ZNF487: variants seen among roughly 807,000 people sequenced by gnomAD.
ZNF487 encodes the protein zinc finger protein 487.
Under a neutral mutation model 3.0 loss-of-function variants are expected in ZNF487, and 4 were observed. The ratio of observed to expected loss-of-function variants is 1.35; its 90% confidence interval spans 0.66 to 3.08. ZNF487 has a LOEUF of 3.08. Ranked by LOEUF, ZNF487 falls within the 30% of genes most tolerant of loss-of-function variation. The pLI is 0.01. For synonymous variants in ZNF487, 55 were observed against 34.6 expected, an observed-to-expected ratio of 1.59 and a Z score of -2.06; for missense variants, 146 against 98.7, an observed-to-expected ratio of 1.48 and a Z score of -2.03.
At chr10:43,494,031 TAA>T in the ZNF487 span, among the ~76,000 whole-genome samples, 7 of 111,866 alleles carry the variant, frequency 6.3e-5, no homozygotes, top group South Asian at 2.9e-4. Flanking sequence ...ACTCCATCTC[TAA>T]AAAAAAAAAA....
intron 1 of ZNF487, chr10:43,458,052 C>T (rs534818250): frequency 3.0e-5 from 1 of 33,546 alleles, no homozygotes; most frequent in East Asian, 0.01. Flanking sequence ...AAAAACAAAA[C>T]AAAACAAAAA....
At chr10:43,479,976 TTTCTTTCCTTC>T (rs1455623080) in intron 3 of ZNF487, among the ~76,000 whole-genome samples, 794 of 44,002 alleles carry the variant, frequency 0.018, 28 homozygotes, top group Middle Eastern at 0.038. Flanking sequence ...CTTTCTTTTC[TTTCTTTCCTTC>T]TTTCTTTCTT....
the ZNF487 span, among the ~76,000 whole-genome samples, chr10:43,493,094 G>A: frequency 6.6e-6 from 1 of 152,168 alleles, no homozygotes; most frequent in Non-Finnish European, 1.5e-5. Flanking sequence ...GCTGGGTGTG[G>A]TGTCGCATGC....
At chr10:43,450,078 T>C (rs2132056851) in intron 1 of ZNF487, among the ~76,000 whole-genome samples, 1 of 151,786 alleles carries the variant, frequency 6.6e-6, no homozygotes, top group African/African-American at 2.4e-5. Context: ...AGTTTTGCTC[T>C]TTTTGCCCGG....
At chr10:43,499,519 C>T in the ZNF487 span, among the ~76,000 whole-genome samples, 11 of 151,870 alleles carry the variant, frequency 7.2e-5, no homozygotes, top group Non-Finnish European at 1.0e-4. Flanking sequence ...TAGGCTCAAG[C>T]GATCTGCCCA....
chr10:43,508,934 C>T, the ZNF487 span, among the ~76,000 whole-genome samples: 4 of 152,064 alleles, frequency 2.6e-5, no homozygotes, highest in East Asian at 1.9e-4. Flanking sequence ...AGGCTGGGCA[C>T]GGTGGCTCCC....
chr10:43,461,113 T>A (rs1444168460), intron 1 of ZNF487, among the ~76,000 whole-genome samples: 1 of 151,978 alleles, frequency 6.6e-6, no homozygotes, highest in East Asian at 1.9e-4. Context: ...TTCAAGCGAT[T>A]CCCCTGCCTT....
intron 1 of ZNF487, among the ~76,000 whole-genome samples, chr10:43,445,882 T>C (rs1192331622): frequency 6.6e-6 from 1 of 152,136 alleles, no homozygotes; most frequent in African/African-American, 2.4e-5. Flanking sequence ...GTGATGACTC[T>C]TAATGAGCAT....
At chr10:43,453,211 C>T (rs1182465005) in intron 1 of ZNF487, 1 of 152,098 alleles carries the variant, frequency 6.6e-6, no homozygotes, top group Admixed American at 6.5e-5. Flanking sequence ...AAAGCAATGG[C>T]TCCTTGAGAA....
downstream of ZNF487, among the ~76,000 whole-genome samples, chr10:43,487,744 G>T (rs181816835): frequency 2.5e-4 from 38 of 151,918 alleles, no homozygotes; most frequent in East Asian, 6.2e-3. Flanking sequence ...GAGTCACTGT[G>T]CCCGGCCCGA....
chr10:43,469,482 C>T (rs371461078), intron 1 of ZNF487, among the ~76,000 whole-genome samples: 3 of 151,900 alleles, frequency 2.0e-5, no homozygotes, highest in African/African-American at 7.3e-5. Context: ...CGTGAGCCAC[C>T]GCGCCTGGCC....
At chr10:43,488,094 C>G (rs1407941608), downstream of ZNF487, among the ~76,000 whole-genome samples, 3 of 150,810 alleles carry the variant, frequency 2.0e-5, no homozygotes, top group Non-Finnish European at 4.4e-5. Flanking sequence ...AGAGCAAGAC[C>G]CTGTCTCAAA....
At chr10:43,516,015 C>T in the ZNF487 span, among the ~76,000 whole-genome samples, 1 of 152,060 alleles carries the variant, frequency 6.6e-6, no homozygotes, top group African/African-American at 2.4e-5. Context: ...CTCCTGACCT[C>T]GTGATCCGCC....
the ZNF487 span, among the ~76,000 whole-genome samples, chr10:43,503,665 G>A: frequency 6.6e-5 from 10 of 152,130 alleles, no homozygotes; most frequent in Admixed American, 6.6e-4. Flanking sequence ...GAGTATAGTG[G>A]CATGATCCTG....
rs1344533792 is a variant in ZNF487 at position 43,447,029 on chromosome 10, CA to C, written c.-94+9777del. Reference sequence around the variant, plus strand: ...CAACACGGCGAAACCCCGTCTCCACCAAAAAAAAAACCAGTCAGGCGTGGCA... The same window carrying C: ...CAACACGGCGAAACCCCGTCTCCACCAAAAAAAAACCAGTCAGGCGTGGCA... On this transcript the variant is annotated intron_variant, in intron 1 of 3. Coordinates refer to ENST00000437590, the MANE Select transcript of ZNF487 (RefSeq NM_001355444.3). Among the ~76,000 whole-genome samples, 88 of 147,356 alleles carry C rather than the reference CA, an allele frequency of 6.0e-4. 3 individuals carry two copies. In the East Asian group the frequency reaches 0.015, roughly 25 times the overall value.
chr10:43,505,668 A>G, the ZNF487 span, among the ~76,000 whole-genome samples: 1 of 151,584 alleles, frequency 6.6e-6, no homozygotes, highest in Non-Finnish European at 1.5e-5. Flanking sequence ...TTTGAGATGG[A>G]GTTTTACTCT....
chr10:43,493,709 A>AAAAAAAAAAAAAT, the ZNF487 span, among the ~76,000 whole-genome samples: 2 of 43,704 alleles, frequency 4.6e-5, no homozygotes, highest in African/African-American at 1.7e-4. Context: ...AAAAAAAAAA[A>AAAAAAAAAAAAAT]ATATATATAT....
downstream of ZNF487, among the ~76,000 whole-genome samples, chr10:43,483,531 C>T (rs1841440183): frequency 2.6e-5 from 1 of 37,900 alleles, no homozygotes; most frequent in African/African-American, 1.1e-4. Context: ...CATGCCCAGC[C>T]CTTCTTTTTT....
chr10:43,515,322 A>C, the ZNF487 span, among the ~76,000 whole-genome samples: 1 of 152,180 alleles, frequency 6.6e-6, no homozygotes, highest in Non-Finnish European at 1.5e-5. Context: ...TCCTGAGGAA[A>C]ATCAACATTA....
Sources: gnomAD v4.1 joint callset for allele counts (sites outside exome capture counted in the v4.1 genomes callset) on GRCh38, gnomAD v4.1.1 for gene constraint, MANE v1.5 for transcripts, NCBI Gene and HGNC (gene_info 2026-07-23, HGNC 2026-07-21) for gene names.